CBLB: variants seen among roughly 807,000 people sequenced by gnomAD.
CBLB encodes the protein Cbl proto-oncogene B, also known as E3 ubiquitin-protein ligase CBL-B.
CBLB carries 31 observed loss-of-function variants against 104.9 expected under a neutral mutation model. That is an observed-to-expected ratio of 0.30 (90% CI 0.22 to 0.40). CBLB has a LOEUF of 0.40. CBLB is among the 10% of genes least tolerant of loss of function. The pLI is 1.00. For synonymous variants in CBLB, 440 were observed against 422.6 expected, an observed-to-expected ratio of 1.04 and a Z score of -0.51; for missense variants, 1,062 against 1,214.6, an observed-to-expected ratio of 0.87 and a Z score of 1.87.
intron 3 of CBLB, among the ~76,000 whole-genome samples, chr3:105,814,499 G>T (rs1462109029): frequency 1.3e-5 from 2 of 152,048 alleles, no homozygotes; most frequent in African/African-American, 4.8e-5. Context: ...ATATATTGAA[G>T]GAAAATAGCG....
chr3:105,671,504 T>C (rs1448941677), intron 17 of CBLB: 5 of 214,270 alleles, frequency 2.3e-5, no homozygotes, highest in Non-Finnish European at 4.7e-5. Flanking sequence ...TTGTTCACAA[T>C]TTTAAAATCA....
chr3:105,705,661 T>C (rs928758833), intron 10 of CBLB, among the ~76,000 whole-genome samples: 30 of 152,220 alleles, frequency 2.0e-4, no homozygotes, highest in Non-Finnish European at 1.3e-4. Context: ...GCTATCAACA[T>C]GATTCATCAC....
At chr3:105,693,667 G>T (rs1361740226) in intron 12 of CBLB, 79 bp from the exon 13 acceptor site, 1 of 890,994 alleles carries the variant, frequency 1.1e-6, no homozygotes. Context: ...CTACCATTCT[G>T]AAGACAATAT....
At chr3:105,714,268 A>AT (rs1346636544) in intron 10 of CBLB, among the ~76,000 whole-genome samples, 2 of 152,072 alleles carry the variant, frequency 1.3e-5, no homozygotes, top group Non-Finnish European at 2.9e-5. Context: ...CGTAGAAGAC[A>AT]TTTTTTCCAC....
At chr3:105,742,661 TA>T (rs943675487) in intron 6 of CBLB, among the ~76,000 whole-genome samples, 47 of 152,160 alleles carry the variant, frequency 3.1e-4, no homozygotes, top group African/African-American at 9.4e-4. Flanking sequence ...AAATGTTACA[TA>T]AAAAAATTAA....
chr3:105,693,126 A>G (rs528734626), intron 13 of CBLB, among the ~76,000 whole-genome samples: 42 of 152,122 alleles, frequency 2.8e-4, no homozygotes, highest in African/African-American at 9.9e-4. Context: ...TGGTGGAACC[A>G]AAGATTATTT....
intron 9 of CBLB, among the ~76,000 whole-genome samples, chr3:105,733,356 CAAAAA>C (rs1171217619): frequency 1.4e-5 from 1 of 71,010 alleles, no homozygotes; most frequent in African/African-American, 5.6e-5. Flanking sequence ...GACTCTGTCT[CAAAAA>C]AAAAAAAAAA....
At position 105,737,807 on chromosome 3, in the gene CBLB, G is replaced by A. The variant is rs149884747; in HGVS notation, c.984-549C>T. 7.4e-3 allele frequency among the ~76,000 whole-genome samples: 1,132 copies of A among 152,174 alleles called. 18 individuals are homozygous for A. Among genetic ancestry groups the A allele is most frequent in the African/African-American group, 0.025 (1,052 of 41,524 alleles). On this transcript the variant is annotated intron_variant, in intron 7 of 18. Transcript: ENST00000394030. ...CTAACACAAACACATGTGCACATAT[G>A]CAAACACACAGACACACAGGCACAT...
At chr3:105,780,685 T>C (rs1475536145) in intron 3 of CBLB, among the ~76,000 whole-genome samples, 3 of 112,234 alleles carry the variant, frequency 2.7e-5, no homozygotes, top group Middle Eastern at 7.0e-3. Context: ...TTTTTTGAGA[T>C]GGAGTCTCGC....
chr3:105,715,876 TA>T (rs995050087), intron 10 of CBLB, among the ~76,000 whole-genome samples: 49 of 152,146 alleles, frequency 3.2e-4, no homozygotes, highest in African/African-American at 1.2e-3. Context: ...CTGTCTCTAC[TA>T]AAAATACAAA....
chr3:105,812,282 G>A (rs190664185), intron 3 of CBLB, among the ~76,000 whole-genome samples: 1 of 152,158 alleles, frequency 6.6e-6, no homozygotes, highest in African/African-American at 2.4e-5. Context: ...TATTTACTGA[G>A]CACCTACTAT....
At chr3:105,778,995 C>G (rs564114958) in intron 3 of CBLB, among the ~76,000 whole-genome samples, 54 of 152,218 alleles carry the variant, frequency 3.5e-4, no homozygotes, top group Admixed American at 1.3e-3. Context: ...GAATTTATTT[C>G]TATAATTGGG....
intron 10 of CBLB, among the ~76,000 whole-genome samples, chr3:105,714,796 T>C (rs2071611785): frequency 6.6e-6 from 1 of 152,184 alleles, no homozygotes; most frequent in Admixed American, 6.5e-5. Flanking sequence ...ATGCAATACT[T>C]AGATGACATG....
At chr3:105,725,305 T>C (rs1278735564) in intron 9 of CBLB, among the ~76,000 whole-genome samples, 1 of 152,218 alleles carries the variant, frequency 6.6e-6, no homozygotes, top group Non-Finnish European at 1.5e-5. Flanking sequence ...TTTTAATGCA[T>C]GAAGTTGGTC....
In CBLB at chr3:105,776,546, T is replaced by C. The variant is rs768819736; in HGVS notation, c.420-4A>G. The C allele has an allele frequency of 1.2e-5, 20 of 1,613,376 alleles. No homozygotes were observed. Among genetic ancestry groups the C allele is most frequent in the African/African-American group, 4.0e-5 (3 of 74,878 alleles). On this transcript the variant is annotated splice_region_variant and splice_polypyrimidine_tract_variant and intron_variant, in intron 3 of 18. Coordinates refer to ENST00000394030, the MANE Select transcript of CBLB (RefSeq NM_170662.5). ...GGACAGTTTTGTGAGATTTCGTCTGTAGGCACAAGGGAAAAAAATGAAGAT... is the reference window on the plus strand; with the variant it reads ...GGACAGTTTTGTGAGATTTCGTCTGCAGGCACAAGGGAAAAAAATGAAGAT...
chr3:105,856,077 C>T (rs1465537279), intron 2 of CBLB, among the ~76,000 whole-genome samples: 2 of 151,920 alleles, frequency 1.3e-5, no homozygotes, highest in African/African-American at 4.8e-5. Context: ...ATTGGCCAGG[C>T]GCAGTGGCTC....
In CBLB at chr3:105,670,408, A is replaced by C; in HGVS notation, c.2570-56T>G. On this transcript the variant is annotated intron_variant, in intron 17 of 18. Transcript: ENST00000394030. The stretch of plus-strand genomic sequence containing the variant: ...AGGATGATCTCTGTTGATTGGCTGA[A>C]GAAAAAAATTCTAGAATTATTTTAT... 3 of 1,414,940 alleles carry C rather than the reference A, an allele frequency of 2.1e-6. No individual in the cohort carries two copies. The Admixed American group carries it at 5.3e-5, about 25-fold the overall frequency. The allele number at this position is 1,414,940 out of a possible 1,614,324, so 87.6% of individuals were successfully genotyped here. A position where few individuals can be genotyped will look rare whatever the true frequency, so the allele number is the denominator to read the frequency against.
chr3:105,750,023 ATTT>A (rs11326645), intron 5 of CBLB, among the ~76,000 whole-genome samples: 1 of 146,776 alleles, frequency 6.8e-6, no homozygotes. Flanking sequence ...TCCTATATGT[ATTT>A]TTTTTTTTTT....
At chr3:105,782,127 G>A (rs1174371195) in intron 3 of CBLB, among the ~76,000 whole-genome samples, 1 of 152,138 alleles carries the variant, frequency 6.6e-6, no homozygotes, top group East Asian at 1.9e-4. Context: ...CATGGGAATA[G>A]ATACTACTAT....
Sources: gnomAD v4.1 joint callset for allele counts (sites outside exome capture counted in the v4.1 genomes callset) on GRCh38, gnomAD v4.1.1 for gene constraint, MANE v1.5 for transcripts, NCBI Gene and HGNC (gene_info 2026-07-23, HGNC 2026-07-21) for gene names.